The following CFAP53 variants were observed in gnomAD, a reference collection of about 807,000 sequenced individuals.
CFAP53 encodes cilia- and flagella-associated protein 53.
CFAP53 carries 62 observed loss-of-function variants against 59.7 expected under a neutral mutation model. The observed-to-expected ratio is 1.04, with a 90% CI of 0.85 to 1.28. The LOEUF is 1.28. Ranked by LOEUF, CFAP53 falls within the 50% of genes most tolerant of loss-of-function variation. CFAP53 has a pLI of 0.00. For synonymous variants in CFAP53, 218 were observed against 205.7 expected, an observed-to-expected ratio of 1.06 and a Z score of -0.51; for missense variants, 629 against 615.6, an observed-to-expected ratio of 1.02 and a Z score of -0.23.
In CFAP53 at chr18:50,238,681, T is replaced by A; in HGVS notation, c.1238A>T (p.Glu413Val). ...GTGTTTCTGTTCCATAGCACGTTCT[T>A]CCTGTTCTTTAGCTTCTCGTTGCAC... ...EKLQREAKEQ[E>V]ERAMEQKHIN... Residue 413 changes from glutamate (E) to valine (V), a missense_variant, in exon 7 of 8, where the codon GAA becomes GTA. Coordinates refer to ENST00000398545, the MANE Select transcript of CFAP53 (RefSeq NM_145020.5). The A allele has an allele frequency of 6.2e-7, 1 of 1,611,722 alleles. No homozygotes were observed. The highest frequency in any genetic ancestry group is 8.5e-7 in the Non-Finnish European group (1 of 1,179,040).
At chr18:50,242,149 T>C (rs1488910376) in intron 6 of CFAP53, among the ~76,000 whole-genome samples, 2 of 152,244 alleles carry the variant, frequency 1.3e-5, no homozygotes, top group Non-Finnish European at 2.9e-5. Flanking sequence ...CTTATGGTTA[T>C]CTTTCCTTGT....
intron 3 of CFAP53, among the ~76,000 whole-genome samples, chr18:50,252,197 G>A (rs1184245188): frequency 6.6e-6 from 1 of 152,006 alleles, no homozygotes; most frequent in East Asian, 1.9e-4. Context: ...TCTACCTCTC[G>A]GGTTCATGCC....
At chr18:50,241,287 G>A (rs1192454214) in intron 6 of CFAP53, among the ~76,000 whole-genome samples, 1 of 152,204 alleles carries the variant, frequency 6.6e-6, no homozygotes, top group Non-Finnish European at 1.5e-5. Flanking sequence ...CAAACTTTGA[G>A]TATGGTCTCC....
chr18:50,235,553 G>A (rs1443810262), intron 7 of CFAP53, among the ~76,000 whole-genome samples: 1 of 152,078 alleles, frequency 6.6e-6, no homozygotes, highest in Non-Finnish European at 1.5e-5. Flanking sequence ...TGACAAGAGC[G>A]AAATTCTGTC....
intron 3 of CFAP53, 66 bp downstream of exon 3, chr18:50,260,998 G>C: frequency 6.7e-7 from 1 of 1,495,916 alleles, no homozygotes; most frequent in Non-Finnish European, 9.1e-7. Flanking sequence ...CTTTAAATTA[G>C]CATTCTTAAA....
chr18:50,244,953 C>T (rs1219362373), intron 5 of CFAP53, among the ~76,000 whole-genome samples: 3 of 149,210 alleles, frequency 2.0e-5, no homozygotes, highest in Non-Finnish European at 4.4e-5. Flanking sequence ...GTCCCAGCTA[C>T]TTAGGAGGCT....
At chr18:50,258,859 C>T in intron 3 of CFAP53, among the ~76,000 whole-genome samples, 1 of 152,102 alleles carries the variant, frequency 6.6e-6, no homozygotes, top group East Asian at 1.9e-4. Flanking sequence ...AAAAGGTGCC[C>T]AACATCACAG....
intron 5 of CFAP53, among the ~76,000 whole-genome samples, chr18:50,244,074 G>A (rs540285760): frequency 6.6e-6 from 1 of 152,154 alleles, no homozygotes; most frequent in Non-Finnish European, 1.5e-5. Flanking sequence ...GTTGAGACCT[G>A]CTGTTTATTT....
chr18:50,256,674 T>G (rs138971988), intron 3 of CFAP53, among the ~76,000 whole-genome samples: 64 of 152,174 alleles, frequency 4.2e-4, no homozygotes, highest in African/African-American at 1.5e-3. Flanking sequence ...GTTGAGGGTT[T>G]AGGGCTGTCC....
chr18:50,251,600 C>T lies in CFAP53; in HGVS notation c.658G>A (p.Ala220Thr), dbSNP rs770298895. The T allele has an allele frequency of 6.2e-7, 1 of 1,614,216 alleles. No individual in the cohort carries two copies. The highest frequency in any genetic ancestry group is 1.1e-5 in the South Asian group (1 of 91,088). Residue 220 changes from alanine (A) to threonine (T), a missense_variant, in exon 4 of 8, where the codon GCG becomes ACG. Physicochemically the swap from Ala to Thr is moderately conservative, Grantham distance 58 (BLOSUM62 0). Coordinates refer to ENST00000398545, the MANE Select transcript of CFAP53 (RefSeq NM_145020.5). ...TCCATCAGCTCTTTCTGTCTCCTCG[C>T]CTCTTGGGCTTCTCGCTTTTCCTTG... ...LAKEKREAQE[A>T]RRQKELMENT...
At chr18:50,237,297 T>C in intron 7 of CFAP53, among the ~76,000 whole-genome samples, 1 of 49,846 alleles carries the variant, frequency 2.0e-5, no homozygotes, top group Non-Finnish European at 3.6e-5. Context: ...AGAGCAAGAC[T>C]CCATCTCAAA....
At chr18:50,248,060 C>T (rs1179054262) in intron 5 of CFAP53, among the ~76,000 whole-genome samples, 1 of 150,114 alleles carries the variant, frequency 6.7e-6, no homozygotes, top group Non-Finnish European at 1.5e-5. Flanking sequence ...TTGGAGGCTG[C>T]AGTGAGCTAT....
chr18:50,266,326 C>G lies in CFAP53; in HGVS notation c.69+10G>C. The stretch of plus-strand genomic sequence containing the variant: ...AGCTGTAGGGTCTGGCAGACATATC[C>G]TGTGCTTACCACGATCACCACTTTG... On this transcript the variant is annotated intron_variant, in intron 1 of 7. Coordinates refer to ENST00000398545, the MANE Select transcript of CFAP53 (RefSeq NM_145020.5). 6.2e-7 allele frequency: 1 copy of G among 1,613,892 alleles called. No homozygotes were observed. Among genetic ancestry groups the G allele is most frequent in the Non-Finnish European group, 8.5e-7 (1 of 1,179,690 alleles).
chr18:50,237,025 G>T (rs1165509814), intron 7 of CFAP53, among the ~76,000 whole-genome samples: 1 of 151,696 alleles, frequency 6.6e-6, no homozygotes, highest in Non-Finnish European at 1.5e-5. Flanking sequence ...ATGAGAAAGA[G>T]GCCAGGCGCA....
chr18:50,260,180 A>G (rs2033878122), intron 3 of CFAP53, among the ~76,000 whole-genome samples: 1 of 152,172 alleles, frequency 6.6e-6, no homozygotes, highest in Non-Finnish European at 1.5e-5. Flanking sequence ...GTATCCTACG[A>G]TGGAAAACCA....
chr18:50,251,859 A>G (rs2033804863), intron 3 of CFAP53, 75 bp from the exon 4 acceptor site: 2 of 1,272,426 alleles, frequency 1.6e-6, no homozygotes, highest in Non-Finnish European at 1.1e-6. Flanking sequence ...ACATCTGTAC[A>G]ATCACACAAT....
At position 50,243,104 on chromosome 18, in the gene CFAP53, T is replaced by G; in HGVS notation, c.1009A>C (p.Arg337=). Residue 337 remains arginine (R), a synonymous_variant, in exon 6 of 8, where the codon AGA becomes CGA. Coordinates refer to ENST00000398545, the MANE Select transcript of CFAP53 (RefSeq NM_145020.5). Reference sequence around the variant, plus strand: ...TATTTATGGTATATCTTCTGTTCTCTTATCATATCTTCCTATGTAACATAA... The same window carrying G: ...TATTTATGGTATATCTTCTGTTCTCGTATCATATCTTCCTATGTAACATAA... ...KKKQKREDMI[R]EQKIYHKYLA... 6.2e-7 allele frequency: 1 copy of G among 1,609,856 alleles called. No homozygotes were observed. The highest frequency in any genetic ancestry group is 1.7e-5 in the Admixed American group (1 of 60,004).
intron 5 of CFAP53, among the ~76,000 whole-genome samples, chr18:50,247,451 T>C (rs931300285): frequency 2.0e-5 from 3 of 152,234 alleles, no homozygotes; most frequent in Non-Finnish European, 4.4e-5. Context: ...GTACTACTTC[T>C]AGATACATGC....
intron 3 of CFAP53, among the ~76,000 whole-genome samples, chr18:50,254,249 CA>C (rs1773133775): frequency 7.1e-6 from 1 of 140,582 alleles, no homozygotes; most frequent in Non-Finnish European, 1.6e-5. Context: ...AAAAAAAAGG[CA>C]AAAACTTAGC....
Sources: gnomAD v4.1 joint callset for allele counts (sites outside exome capture counted in the v4.1 genomes callset) on GRCh38, gnomAD v4.1.1 for gene constraint, MANE v1.5 for transcripts, NCBI Gene and HGNC (gene_info 2026-07-23, HGNC 2026-07-21) for gene names.